Variants in CSMD1 observed in about 807,000 individuals in gnomAD.
CSMD1 encodes CUB and Sushi multiple domains 1.
Under a neutral mutation model 417.5 loss-of-function variants are expected in CSMD1, and 213 were observed. The observed-to-expected ratio is 0.51, with a 90% CI of 0.46 to 0.57. The LOEUF (loss-of-function observed/expected upper bound fraction) is 0.57. Among genes scored for constraint, CSMD1 ranks in the 20% least tolerant of loss-of-function variants. CSMD1 has a pLI of 0.00. For synonymous variants in CSMD1, 2,862 were observed against 1,736.8 expected (o/e 1.65, Z -16.11); for missense variants, 6,923 against 4,529.7 (o/e 1.53, Z -15.17).
In CSMD1 at chr8:3,406,230, A is replaced by C; in HGVS notation, c.2072-9T>G. 6.4e-7 allele frequency: 1 copy of C among 1,572,008 alleles called. No homozygotes were observed. On this transcript the variant is annotated splice_polypyrimidine_tract_variant and intron_variant, in intron 14 of 69. Transcript: ENST00000635120. The stretch of plus-strand genomic sequence containing the variant: ...CTCATTCTGACCAAATGCTGAAAGA[A>C]AAAGAAGAAGAAAAAAGGAATAAAA...
chr8:4,105,312 G>A (rs1801511536), intron 3 of CSMD1, among the ~76,000 whole-genome samples: 1 of 150,218 alleles, frequency 6.7e-6, no homozygotes, highest in African/African-American at 2.5e-5. Context: ...TTGCTTTAGT[G>A]ATCTTAATCT....
intron 3 of CSMD1, among the ~76,000 whole-genome samples, chr8:4,350,244 C>T (rs1158352536): frequency 6.6e-6 from 1 of 152,088 alleles, no homozygotes; most frequent in Non-Finnish European, 1.5e-5. Context: ...AAGCCTAAGT[C>T]TCAACAACTG....
In CSMD1 at chr8:2,971,415, G is replaced by A. The variant is rs920067454; in HGVS notation, c.8923+1702C>T. Among the ~76,000 whole-genome samples the A allele has an allele frequency of 4.6e-5, 7 of 152,218 alleles. No homozygotes were observed. The East Asian group carries it at 5.8e-4, about 13-fold the overall frequency. On this transcript the variant is annotated intron_variant, in intron 57 of 69. Coordinates refer to ENST00000635120, the MANE Select transcript of CSMD1 (RefSeq NM_033225.6). ...GAACTTGACGTTTCTTCGTGAACAC[G>A]GGCAAGCTGATTTGCTGCATGCCCC...
chr8:4,410,582 C>T (rs565001873), intron 3 of CSMD1, among the ~76,000 whole-genome samples: 1 of 152,126 alleles, frequency 6.6e-6, no homozygotes, highest in East Asian at 1.9e-4. Context: ...TAAATAATGA[C>T]CAATTTTTGT....
chr8:3,871,200 C>T (rs1376364541), intron 5 of CSMD1, among the ~76,000 whole-genome samples: 2 of 152,024 alleles, frequency 1.3e-5, no homozygotes, highest in Non-Finnish European at 2.9e-5. Flanking sequence ...TATTTTTCTA[C>T]AATGTGTACC....
intron 5 of CSMD1, among the ~76,000 whole-genome samples, chr8:3,891,247 C>A (rs996227010): frequency 6.6e-5 from 10 of 151,992 alleles, no homozygotes; most frequent in Non-Finnish European, 1.0e-4. Flanking sequence ...TGGGTTTTTG[C>A]CATGTTTCCC....
intron 3 of CSMD1, among the ~76,000 whole-genome samples, chr8:4,105,595 G>A (rs1390419349): frequency 6.6e-6 from 1 of 152,166 alleles, no homozygotes; most frequent in Non-Finnish European, 1.5e-5. Context: ...GGTGATGAGG[G>A]CTACAGCAGA....
At chr8:3,286,845 A>G (rs921512431) in intron 25 of CSMD1, among the ~76,000 whole-genome samples, 3 of 152,068 alleles carry the variant, frequency 2.0e-5, no homozygotes, top group African/African-American at 7.2e-5. Flanking sequence ...CCATTTGTCA[A>G]TTTTGGCTTT....
At chr8:4,529,019 G>A (rs569775715) in intron 2 of CSMD1, among the ~76,000 whole-genome samples, 1 of 152,142 alleles carries the variant, frequency 6.6e-6, no homozygotes, top group Non-Finnish European at 1.5e-5. Context: ...CATTTTCTTT[G>A]TGATGATATA....
At chr8:4,667,999 C>G (rs141677048) in intron 1 of CSMD1, among the ~76,000 whole-genome samples, 81 of 152,290 alleles carry the variant, frequency 5.3e-4, no homozygotes, top group African/African-American at 1.8e-3. Flanking sequence ...ATTTTCGACT[C>G]CATTTTTTAA....
chr8:4,946,675 T>A (rs1808390747), intron 1 of CSMD1, among the ~76,000 whole-genome samples: 1 of 152,188 alleles, frequency 6.6e-6, no homozygotes, highest in South Asian at 2.1e-4. Context: ...AGCAATGTGG[T>A]AACAATTGTA....
chr8:3,796,828 G>A (rs545273659), intron 5 of CSMD1, among the ~76,000 whole-genome samples: 1 of 151,324 alleles, frequency 6.6e-6, no homozygotes, highest in African/African-American at 2.4e-5. Context: ...TAAGAGATAA[G>A]CTTAAAGCTA....
At chr8:4,062,747 AG>A (rs1193890918) in intron 3 of CSMD1, among the ~76,000 whole-genome samples, 1 of 151,874 alleles carries the variant, frequency 6.6e-6, no homozygotes, top group Non-Finnish European at 1.5e-5. Flanking sequence ...AAAAAAAAAA[AG>A]GCAGGTTCTG....
chr8:3,276,955 A>G (rs992199009), intron 26 of CSMD1, among the ~76,000 whole-genome samples: 2 of 152,162 alleles, frequency 1.3e-5, no homozygotes, highest in Non-Finnish European at 2.9e-5. Context: ...GCACTATTAT[A>G]GAAGTATAAA....
intron 10 of CSMD1, among the ~76,000 whole-genome samples, chr8:3,502,643 T>C (rs1013241158): frequency 2.6e-5 from 4 of 152,174 alleles, no homozygotes; most frequent in Non-Finnish European, 4.4e-5. Context: ...TTCAACTGCA[T>C]GACATTTCGG....
At chr8:3,165,812 G>A (rs1399535289) in intron 37 of CSMD1, among the ~76,000 whole-genome samples, 1 of 152,100 alleles carries the variant, frequency 6.6e-6, no homozygotes, top group African/African-American at 2.4e-5. Context: ...CAAGAGTGGA[G>A]CACAGGAGAA....
At chr8:4,727,836 C>A (rs372213931) in intron 1 of CSMD1, among the ~76,000 whole-genome samples, 92 of 149,300 alleles carry the variant, frequency 6.2e-4, no homozygotes, top group Non-Finnish European at 1.0e-3. Flanking sequence ...ATATATATAT[C>A]TATTATATAT....
At chr8:3,328,367 C>T (rs960500033) in intron 23 of CSMD1, among the ~76,000 whole-genome samples, 1 of 152,148 alleles carries the variant, frequency 6.6e-6, no homozygotes. Context: ...ATCATCTGAC[C>T]CTAAGTGACT....
At chr8:3,134,238 T>C (rs1370557265) in intron 41 of CSMD1, among the ~76,000 whole-genome samples, 1 of 152,098 alleles carries the variant, frequency 6.6e-6, no homozygotes, top group Non-Finnish European at 1.5e-5. Flanking sequence ...GCTCTGCCAG[T>C]GTTTGCTGCA....
Sources: allele counts gnomAD v4.1 joint callset (sites outside exome capture counted in the v4.1 genomes callset), GRCh38; gene constraint gnomAD v4.1.1; transcripts MANE v1.5; gene names NCBI Gene and HGNC (gene_info 2026-07-23, HGNC 2026-07-21).